Variants in MTRES1 observed in about 807,000 individuals in gnomAD.
MTRES1 encodes uncharacterized protein C6orf203.
A neutral mutation model predicts 17.4 loss-of-function variants in MTRES1; 11 were observed. The ratio of observed to expected loss-of-function variants is 0.63; its 90% CI spans 0.40 to 1.05. The LOEUF (loss-of-function observed/expected upper bound fraction) is 1.05, where lower values mean the gene tolerates loss of function less well. Among genes scored for constraint, MTRES1 ranks in the 50% least tolerant of loss-of-function variants. The probability of loss-of-function intolerance (pLI) is 0.00; values close to 1 mark genes in which losing one functional copy is unlikely to be tolerated. For synonymous variants in MTRES1, 94 were observed against 99.6 expected (o/e 0.94, Z 0.34); for missense variants, 268 against 276.2 (o/e 0.97, Z 0.21).
At chr6:107,035,167 C>G (rs1773967611) in intron 1 of MTRES1, among the ~76,000 whole-genome samples, 1 of 151,682 alleles carries the variant, frequency 6.6e-6, no homozygotes, top group South Asian at 2.1e-4. Context: ...GAGTTTCACT[C>G]TTGTTGCCCA....
In MTRES1 at chr6:107,038,961, G is replaced by A. The variant is rs3763207; in HGVS notation, c.-12-788G>A. 8.8e-4 allele frequency among the ~76,000 whole-genome samples: 134 copies of A among 152,238 alleles called. 1 individual carries two copies. In the East Asian group the frequency reaches 0.023, roughly 26 times the overall value. ...TACAGCTACTGGGGAGGCTGAGGCAGGAAAATAGCTTGAACCCAGGAGGCG... is the reference window on the plus strand; with the variant it reads ...TACAGCTACTGGGGAGGCTGAGGCAAGAAAATAGCTTGAACCCAGGAGGCG... On this transcript the variant is annotated intron_variant, in intron 1 of 3. Coordinates refer to ENST00000311381, the MANE Select transcript of MTRES1 (RefSeq NM_016487.5).
chr6:107,048,974 C>T (rs1224794920), intron 3 of MTRES1, among the ~76,000 whole-genome samples: 6 of 151,822 alleles, frequency 4.0e-5, no homozygotes, highest in African/African-American at 1.5e-4. Context: ...AAAATCTGCC[C>T]CTCTGTGAGT....
At chr6:107,031,296 G>T in intron 1 of MTRES1, among the ~76,000 whole-genome samples, 1 of 151,294 alleles carries the variant, frequency 6.6e-6, no homozygotes, top group African/African-American at 2.4e-5. Context: ...GGGAGACTAT[G>T]GCTTGAACTG....
intron 1 of MTRES1, among the ~76,000 whole-genome samples, chr6:107,036,849 CAA>C (rs67649016): frequency 0.15 from 19,308 of 132,474 alleles, 1,735 homozygotes; most frequent in Non-Finnish European, 0.21. Context: ...GACTCCGTCT[CAA>C]AAAAAAAAAA....
rs57706904 is a variant in MTRES1, at chr6:107,051,444, ACCT to A, written c.*213_*215del. The A allele has an allele frequency of 0.96, 462,037 of 479,360 alleles. 223,279 individuals are homozygous for A. Among genetic ancestry groups the A allele is most frequent in the East Asian group, 1 (27,080 of 27,094 alleles). 29.7% of individuals were successfully genotyped at this position (479,360 alleles called of 1,614,324 possible). A position where few individuals can be genotyped will look rare whatever the true frequency, so the allele number is the denominator to read the frequency against. ...GCCCACCTTGATCCATGCTCCTTTG[ACCT>A]CCTCGTGTGAGAACCCCTTTGCCAG... is the stretch of plus-strand genomic sequence containing the variant. On this transcript the variant is annotated 3_prime_UTR_variant, in exon 4 of 4. Transcript: ENST00000311381.
chr6:107,046,678 G>T (rs910238186), intron 3 of MTRES1, among the ~76,000 whole-genome samples: 8 of 152,142 alleles, frequency 5.3e-5, no homozygotes, highest in Non-Finnish European at 1.0e-4. Flanking sequence ...GACCCCGAAG[G>T]GTCAGGTGCT....
At chr6:107,045,196 TTCTG>T (rs1162927123) in intron 3 of MTRES1, among the ~76,000 whole-genome samples, 2 of 120,108 alleles carry the variant, frequency 1.7e-5, no homozygotes, top group African/African-American at 5.7e-5. Flanking sequence ...AAAAAAAAAA[TTCTG>T]GCTGGGCGCA....
In MTRES1 at chr6:107,028,325, T is replaced by C. The variant is rs533417117; in HGVS notation, c.-13+54T>C. ...CCGGGCCCCCTGCCCGCGCCCCCTG[T>C]CACTTCGCCTCTCCGCCCCGCCCAC... On this transcript the variant is annotated intron_variant, in intron 1 of 3. Transcript: ENST00000311381. The C allele has an allele frequency of 3.9e-5, 6 of 152,316 alleles. No individual in the cohort carries two copies. In the East Asian group the frequency reaches 1.2e-3, roughly 30 times the overall value. The allele number at this position is 152,316 out of a possible 1,614,324, so 9.4% of individuals were successfully genotyped here. A position where few individuals can be genotyped will look rare whatever the true frequency, so the allele number is the denominator to read the frequency against.
chr6:107,043,413 G>A (rs754064578), intron 2 of MTRES1, among the ~76,000 whole-genome samples: 1 of 151,950 alleles, frequency 6.6e-6, no homozygotes, highest in South Asian at 2.1e-4. Flanking sequence ...GGGGTTAGGG[G>A]TGCCAACCCC....
At chr6:107,030,157 G>C (rs377359400) in intron 1 of MTRES1, 1 of 718,516 alleles carries the variant, frequency 1.4e-6, no homozygotes, top group Admixed American at 2.0e-5. Flanking sequence ...AGCTGAATTT[G>C]CAAGAGTCAA....
Position 107,051,055 on chromosome 6 carries a change from A to C in MTRES1, c.544-2A>C. 6.2e-7 allele frequency: 1 copy of C among 1,603,336 alleles called. No individual in the cohort carries two copies. The highest frequency in any genetic ancestry group is 8.5e-7 in the Non-Finnish European group (1 of 1,175,174). The stretch of plus-strand genomic sequence containing the variant: ...AAGCCTCTGTTTTCTTTTAATTTTC[A>C]GGTGAAAGTGGGAGATACATTGGAT... On this transcript the variant is annotated splice_acceptor_variant, in intron 3 of 3. Coordinates refer to ENST00000311381, the MANE Select transcript of MTRES1 (RefSeq NM_016487.5). LOFTEE classifies it high-confidence loss of function.
At chr6:107,042,571 C>G (rs1191570522) in intron 2 of MTRES1, among the ~76,000 whole-genome samples, 13 of 152,168 alleles carry the variant, frequency 8.5e-5, no homozygotes, top group African/African-American at 2.2e-4. Flanking sequence ...GCTGCTTCCT[C>G]CCCCGGTCTG....
chr6:107,037,604 T>C (rs1774055073), intron 1 of MTRES1, among the ~76,000 whole-genome samples: 1 of 152,266 alleles, frequency 6.6e-6, no homozygotes, highest in African/African-American at 2.4e-5. Context: ...GTATTATTCA[T>C]TCTCTATTAC....
Position 107,039,805 on chromosome 6 carries a change from G to A in MTRES1, c.45G>A (p.Lys15=), listed in dbSNP as rs1774130810. The change falls in exon 2 of 4, where the codon AAG becomes AAA. Residue 15 remains lysine, a synonymous_variant. Coordinates refer to ENST00000311381, the MANE Select transcript of MTRES1 (RefSeq NM_016487.5). ...AATTGCTTGCCGGTGTTTTAAGAAAGCCAGATGCCTGGATTGGACTCTGGG... is the reference window on the plus strand; with the variant it reads ...AATTGCTTGCCGGTGTTTTAAGAAAACCAGATGCCTGGATTGGACTCTGGG... ...SVKLLAGVLR[K]PDAWIGLWGV... is the part of the protein sequence containing the mutation. 1 of 1,611,808 alleles carries A rather than the reference G, an allele frequency of 6.2e-7. No homozygotes were observed. The highest frequency in any genetic ancestry group is 8.5e-7 in the Non-Finnish European group (1 of 1,179,502).
chr6:107,048,154 G>C (rs1349934693), intron 3 of MTRES1, among the ~76,000 whole-genome samples: 1 of 151,740 alleles, frequency 6.6e-6, no homozygotes, highest in African/African-American at 2.4e-5. Context: ...TCTTTTTTTT[G>C]AGACAGCCTT....
chr6:107,043,512 T>C (rs1263263588), intron 2 of MTRES1, among the ~76,000 whole-genome samples: 2 of 152,176 alleles, frequency 1.3e-5, no homozygotes, highest in African/African-American at 2.4e-5. Context: ...ACTACTAATA[T>C]AGCCTACTGT....
At chr6:107,028,872 C>T (rs1554226007) in intron 1 of MTRES1, 1 of 985,054 alleles carries the variant, frequency 1.0e-6, no homozygotes, top group East Asian at 1.1e-4. Context: ...GATCATCTCT[C>T]CACTCATCCC....
At chr6:107,041,650 C>T (rs1240500264) in intron 2 of MTRES1, among the ~76,000 whole-genome samples, 2 of 152,012 alleles carry the variant, frequency 1.3e-5, no homozygotes, top group Admixed American at 6.6e-5. Context: ...CTCAGCCTCC[C>T]GAGTAGTTGG....
chr6:107,037,126 A>G (rs1288059844), intron 1 of MTRES1, among the ~76,000 whole-genome samples: 1 of 152,022 alleles, frequency 6.6e-6, no homozygotes, highest in Non-Finnish European at 1.5e-5. Flanking sequence ...AATCAATGAA[A>G]TATACAGCCT....
Sources: allele counts gnomAD v4.1 joint callset (sites outside exome capture counted in the v4.1 genomes callset), GRCh38; gene constraint gnomAD v4.1.1; transcripts MANE v1.5; gene names NCBI Gene and HGNC (gene_info 2026-07-23, HGNC 2026-07-21).